Variants in MEF2C observed in about 807,000 individuals in gnomAD.
The protein encoded by MEF2C is myocyte-specific enhancer factor 2C.
MEF2C carries 6 observed loss-of-function variants against 50.5 expected under a neutral mutation model. That is an observed-to-expected ratio of 0.12 (90% CI 0.07 to 0.23). The LOEUF is 0.23. Among genes scored for constraint, MEF2C ranks in the 10% least tolerant of loss-of-function variants. The pLI is 1.00. For synonymous variants in MEF2C, 183 were observed against 228.0 expected, an observed-to-expected ratio of 0.80 and a Z score of 1.78; for missense variants, 276 against 605.0, an observed-to-expected ratio of 0.46 and a Z score of 5.70.
rs950370831 is a variant in MEF2C, at chr5:88,717,805, T to C, written c.*4799A>G. The C allele has an allele frequency of 1.3e-5, 2 of 152,236 alleles. No individual in the cohort carries two copies. Among genetic ancestry groups the C allele is most frequent in the African/African-American group, 4.8e-5 (2 of 41,466 alleles). 9.4% of individuals were successfully genotyped at this position (152,236 alleles called of 1,614,324 possible). On this transcript the variant is annotated 3_prime_UTR_variant, in exon 11 of 11. Transcript: ENST00000504921. ...GAATTCACTAATTTATTCAGATTTA[T>C]AAGCCTATGTTTTCAACTTTTAGAA... is the stretch of plus-strand genomic sequence containing the variant.
chr5:88,812,708 A>G (rs146402519), intron 2 of MEF2C, among the ~76,000 whole-genome samples: 1 of 152,102 alleles, frequency 6.6e-6, no homozygotes, highest in Non-Finnish European at 1.5e-5. Flanking sequence ...CCTATTTTTC[A>G]GATGAATACC....
At chr5:88,782,192 G>T (rs1167054639) in intron 3 of MEF2C, 1 of 980,118 alleles carries the variant, frequency 1.0e-6, no homozygotes, top group Admixed American at 6.2e-5. Flanking sequence ...TCCTAGGCCA[G>T]GCACAGTGGC....
rs1356704468 is a variant in MEF2C, at chr5:88,729,204, A to C, written c.964+14T>G. On this transcript the variant is annotated intron_variant, in intron 9 of 10. Coordinates refer to ENST00000504921, the MANE Select transcript of MEF2C (RefSeq NM_002397.5). ...GTATTTAGTGTACTAATTGCACATG[A>C]CAAAGCTACTCACCGGTACCATATG... 6.2e-7 allele frequency: 1 copy of C among 1,612,700 alleles called. No individual in the cohort carries two copies. The highest frequency in any genetic ancestry group is 8.5e-7 in the Non-Finnish European group (1 of 1,179,138).
intron 1 of MEF2C, among the ~76,000 whole-genome samples, chr5:88,857,153 A>T (rs1823726960): frequency 6.6e-6 from 1 of 152,238 alleles, no homozygotes; most frequent in South Asian, 2.1e-4. Flanking sequence ...TGTGAGACAT[A>T]GAGTCAAAGG....
At chr5:88,835,137 T>C (rs1439923801) in intron 1 of MEF2C, among the ~76,000 whole-genome samples, 1 of 152,216 alleles carries the variant, frequency 6.6e-6, no homozygotes, top group Non-Finnish European at 1.5e-5. Flanking sequence ...ATGCTAACTA[T>C]GGATAACACC....
intron 3 of MEF2C, among the ~76,000 whole-genome samples, chr5:88,767,466 G>A (rs192835974): frequency 1.3e-5 from 2 of 152,058 alleles, no homozygotes; most frequent in African/African-American, 2.4e-5. Flanking sequence ...CTTTAATTAG[G>A]CAAGCAAATC....
At chr5:88,775,785 T>A in intron 3 of MEF2C, 1 of 981,382 alleles carries the variant, frequency 1.0e-6, no homozygotes, top group Non-Finnish European at 1.2e-6. Context: ...CATGATGCTA[T>A]AAAAGCTAGA....
chr5:88,781,494 A>C (rs1787989734), intron 3 of MEF2C, among the ~76,000 whole-genome samples: 1 of 152,218 alleles, frequency 6.6e-6, no homozygotes, highest in Non-Finnish European at 1.5e-5. Context: ...AGAGTTTATG[A>C]AAGTGGCAGA....
In MEF2C at chr5:88,760,299, A is replaced by T. The variant is rs549712555; in HGVS notation, c.402+886T>A. Among the ~76,000 whole-genome samples, 10 of 152,364 alleles carry T rather than the reference A, an allele frequency of 6.6e-5. No homozygotes were observed. In the East Asian group the frequency reaches 1.9e-3, roughly 29 times the overall value. ...GCAAGGCATATGATTGACTGTTAGA[A>T]TTTTTTTCATTTGGTTAAAACAAAA... On this transcript the variant is annotated intron_variant, in intron 4 of 10. Transcript: ENST00000504921.
At chr5:88,761,860 A>G (rs983721774) in intron 3 of MEF2C, 3 of 152,932 alleles carry the variant, frequency 2.0e-5, no homozygotes, top group Admixed American at 2.0e-4. Flanking sequence ...AACACAGCTA[A>G]TATCCCCACC....
At chr5:88,841,859 C>T (rs1289042449) in intron 1 of MEF2C, among the ~76,000 whole-genome samples, 2 of 152,162 alleles carry the variant, frequency 1.3e-5, no homozygotes, top group African/African-American at 4.8e-5. Flanking sequence ...CTCCTGATAG[C>T]ACATTAAAAA....
At chr5:88,777,899 C>CTTTTTTTTTTTTTTTTTT in intron 3 of MEF2C, among the ~76,000 whole-genome samples, 1 of 77,320 alleles carries the variant, frequency 1.3e-5, no homozygotes, top group Non-Finnish European at 2.3e-5. Context: ...TTTTTCTTTT[C>CTTTTTTTTTTTTTTTTTT]TTTTTTTTTT....
Position 88,797,406 on chromosome 5 carries a change from T to C in MEF2C, c.258+7192A>G, listed in dbSNP as rs371018849. Among the ~76,000 whole-genome samples the C allele has an allele frequency of 4.9e-4, 75 of 151,914 alleles. 1 individual carries two copies. The South Asian group carries it at 0.015, about 31-fold the overall frequency. On this transcript the variant is annotated intron_variant, in intron 3 of 10. Transcript: ENST00000504921. ...GCCCTTCTTGAGTCTTTTTTTATCT[T>C]TGTTGGTTTAAAGTCTGTTTTATCA...
At position 88,843,252 on chromosome 5, in the gene MEF2C, T is replaced by C; in HGVS notation, c.-142-19322A>G. On this transcript the variant is annotated intron_variant, in intron 1 of 10. Coordinates refer to ENST00000504921, the MANE Select transcript of MEF2C (RefSeq NM_002397.5). ...TCTATGGTAAAAAAAAAAGCATTTCTATTTCTATTTGGGTATCTTACTCCA... is the reference window on the plus strand; with the variant it reads ...TCTATGGTAAAAAAAAAAGCATTTCCATTTCTATTTGGGTATCTTACTCCA... 6 of 765,962 alleles carry C rather than the reference T, an allele frequency of 7.8e-6. 1 individual carries two copies. The highest frequency in any genetic ancestry group is 9.5e-6 in the Non-Finnish European group (6 of 629,734). 47.4% of individuals were successfully genotyped at this position (765,962 alleles called of 1,614,324 possible).
At chr5:88,738,177 A>G (rs1413809448) in intron 6 of MEF2C, 1 of 985,216 alleles carries the variant, frequency 1.0e-6, no homozygotes, top group Non-Finnish European at 1.2e-6. Context: ...TTTTCTCAAT[A>G]GAAGTATTTC....
chr5:88,881,510 T>C lies in MEF2C; in HGVS notation c.-143+1445A>G, dbSNP rs531103323. Among the ~76,000 whole-genome samples, 37 of 152,334 alleles carry C rather than the reference T, an allele frequency of 2.4e-4. 1 individual carries two copies. The highest frequency in any genetic ancestry group is 1.0e-3 in the South Asian group (5 of 4,834). ...AAGACTAGCCAAAACTGACATTTTT[T>C]AAAATTAAATAAGATGTTTTAGTTT... On this transcript the variant is annotated intron_variant, in intron 1 of 10. Coordinates refer to ENST00000504921, the MANE Select transcript of MEF2C (RefSeq NM_002397.5).
Position 88,848,359 on chromosome 5 carries a change from A to G in MEF2C, c.-142-24429T>C, listed in dbSNP as rs1226656922. ...GGCTACAACTTTCTAGTTATGTAAC[A>G]TCTCTTATTTTATAGAATATTGGGT... On this transcript the variant is annotated intron_variant, in intron 1 of 10. Transcript: ENST00000504921. Among the ~76,000 whole-genome samples, 4 of 152,326 alleles carry G rather than the reference A, an allele frequency of 2.6e-5. No individual in the cohort carries two copies. In the East Asian group the frequency reaches 5.8e-4, roughly 22 times the overall value.
At chr5:88,777,927 T>A (rs1785707869) in intron 3 of MEF2C, among the ~76,000 whole-genome samples, 1 of 113,198 alleles carries the variant, frequency 8.8e-6, no homozygotes, top group Non-Finnish European at 1.8e-5. Flanking sequence ...TTTTTTGAGA[T>A]GGAGTCTCCC....
chr5:88,865,760 C>T (rs1306124584), intron 1 of MEF2C, among the ~76,000 whole-genome samples: 1 of 152,172 alleles, frequency 6.6e-6, no homozygotes, highest in Non-Finnish European at 1.5e-5. Context: ...ACCAATGGGA[C>T]TTAATATTGC....
Sources: allele counts gnomAD v4.1 joint callset (sites outside exome capture counted in the v4.1 genomes callset), GRCh38; gene constraint gnomAD v4.1.1; transcripts MANE v1.5; gene names NCBI Gene and HGNC (gene_info 2026-07-23, HGNC 2026-07-21).